RPH3A: variants seen among roughly 807,000 people sequenced by gnomAD.
RPH3A encodes the protein rabphilin 3A, also known as rabphilin-3A.
In RPH3A, 48 loss-of-function variants were observed where a neutral mutation model predicts 102.2. The ratio of observed to expected loss-of-function variants is 0.47; its 90% CI spans 0.37 to 0.60. The LOEUF (loss-of-function observed/expected upper bound fraction) is 0.60, where lower values mean the gene tolerates loss of function less well. Among genes scored for constraint, RPH3A ranks in the 20% least tolerant of loss-of-function variants. The probability of loss-of-function intolerance (pLI) is 0.00; values close to 1 mark genes in which losing one functional copy is unlikely to be tolerated. For synonymous variants in RPH3A, 310 were observed against 324.3 expected, an observed-to-expected ratio of 0.96 and a Z score of 0.47; for missense variants, 781 against 910.1, an observed-to-expected ratio of 0.86 and a Z score of 1.83.
intron 1 of RPH3A, among the ~76,000 whole-genome samples, chr12:112,746,476 C>A (rs1397419122): frequency 6.6e-6 from 1 of 152,066 alleles, no homozygotes; most frequent in African/African-American, 2.4e-5. Flanking sequence ...GTTGAGGGAA[C>A]AAACCTCACC....
At chr12:112,647,636 T>G (rs1305215488) in intron 1 of RPH3A, among the ~76,000 whole-genome samples, 1 of 151,284 alleles carries the variant, frequency 6.6e-6, no homozygotes, top group Non-Finnish European at 1.5e-5. Context: ...TTGCTTTAGG[T>G]TGGATGGTCA....
intron 1 of RPH3A, among the ~76,000 whole-genome samples, chr12:112,681,380 A>T (rs561058394): frequency 6.4e-4 from 98 of 152,222 alleles, no homozygotes; most frequent in African/African-American, 2.3e-3. Context: ...CACACATCGG[A>T]TTGCTTTAAT....
Position 112,771,017 on chromosome 12 carries a change from C to A in RPH3A, c.-139-21126C>A, listed in dbSNP as rs569500249. 2.8e-3 allele frequency among the ~76,000 whole-genome samples: 422 copies of A among 152,314 alleles called. 2 individuals carry two copies. The highest frequency in any genetic ancestry group is 0.016 in the South Asian group (79 of 4,820). On this transcript the variant is annotated intron_variant, in intron 1 of 21. Coordinates refer to the RPH3A transcript ENST00000543106. ...TTATTTTAAATTATGCATATACACACAGACAGGAAAGGTACAAGTGGTTGC... is the reference window on the plus strand; with the variant it reads ...TTATTTTAAATTATGCATATACACAAAGACAGGAAAGGTACAAGTGGTTGC...
chr12:112,847,863 T>A, intron 5 of RPH3A, 21 bp downstream of exon 5: 15 of 1,612,298 alleles, frequency 9.3e-6, no homozygotes, highest in Non-Finnish European at 1.3e-5. Context: ...ACGCTTCCCA[T>A]TCACCCCAGA....
chr12:112,629,072 T>C (rs2039785505), intron 1 of RPH3A, among the ~76,000 whole-genome samples: 1 of 152,134 alleles, frequency 6.6e-6, no homozygotes. Flanking sequence ...TTAAAAACTG[T>C]GCCACACAGA....
chr12:112,801,270 C>A (rs2041347052), intron 2 of RPH3A, among the ~76,000 whole-genome samples: 1 of 152,218 alleles, frequency 6.6e-6, no homozygotes, highest in Non-Finnish European at 1.5e-5. Flanking sequence ...AGGATGAAAG[C>A]AGGAGAAGCC....
chr12:112,653,536 T>C (rs2039991330), intron 1 of RPH3A, among the ~76,000 whole-genome samples: 1 of 152,164 alleles, frequency 6.6e-6, no homozygotes, highest in Non-Finnish European at 1.5e-5. Flanking sequence ...CTGTGGACTT[T>C]ATAAACACTG....
At chr12:112,684,669 G>A (rs921112295) in intron 1 of RPH3A, among the ~76,000 whole-genome samples, 1 of 152,180 alleles carries the variant, frequency 6.6e-6, no homozygotes, top group African/African-American at 2.4e-5. Flanking sequence ...ATGGCTATTA[G>A]GGAGGCTGAG....
upstream of RPH3A, among the ~76,000 whole-genome samples, chr12:112,790,484 C>A (rs1009707586): frequency 6.6e-6 from 1 of 152,178 alleles, no homozygotes; most frequent in Non-Finnish European, 1.5e-5. Context: ...GGATGGGAAG[C>A]TTTAGATATG....
intron 1 of RPH3A, among the ~76,000 whole-genome samples, chr12:112,688,706 G>A (rs2040285902): frequency 6.6e-6 from 1 of 152,124 alleles, no homozygotes; most frequent in Non-Finnish European, 1.5e-5. Flanking sequence ...GTCCTTCATT[G>A]AGTTAGGTTT....
chr12:112,731,507 T>G (rs1232839225), intron 1 of RPH3A, among the ~76,000 whole-genome samples: 1 of 152,238 alleles, frequency 6.6e-6, no homozygotes, highest in Non-Finnish European at 1.5e-5. Flanking sequence ...AAAAGCTTAA[T>G]CACCTGTGAA....
At chr12:112,888,275 G>C (rs906456255) in intron 17 of RPH3A, among the ~76,000 whole-genome samples, 5 of 152,266 alleles carry the variant, frequency 3.3e-5, no homozygotes, top group Admixed American at 1.3e-4. Context: ...CGGTGTTCTT[G>C]TCTGTAATGT....
At chr12:112,575,518 G>T (rs1436485419) in intron 1 of RPH3A, among the ~76,000 whole-genome samples, 1 of 151,998 alleles carries the variant, frequency 6.6e-6, no homozygotes, top group Non-Finnish European at 1.5e-5. Flanking sequence ...GGAGACCCGC[G>T]CAGGACCCGT....
chr12:112,591,130 A>G (rs1015032137), intron 1 of RPH3A, among the ~76,000 whole-genome samples: 5 of 147,240 alleles, frequency 3.4e-5, no homozygotes, highest in African/African-American at 1.3e-4. Flanking sequence ...TTAATTTTTG[A>G]AAATAGAGAT....
rs564632843 is a variant in RPH3A at position 112,635,511 on chromosome 12, T to G, written c.-140+60192T>G. 7.9e-5 allele frequency among the ~76,000 whole-genome samples: 12 copies of G among 152,000 alleles called. No individual in the cohort carries two copies. In the South Asian group the frequency reaches 2.5e-3, roughly 31 times the overall value. The stretch of plus-strand genomic sequence containing the variant: ...GTGCCTGATGTACAGTTAAATGCCA[T>G]GTAAATGTAGGTGGTCATTAATGTT... On this transcript the variant is annotated intron_variant, in intron 1 of 21. Coordinates refer to the RPH3A transcript ENST00000543106.
At chr12:112,779,028 A>T (rs1055421725) in intron 1 of RPH3A, among the ~76,000 whole-genome samples, 1 of 152,218 alleles carries the variant, frequency 6.6e-6, no homozygotes, top group African/African-American at 2.4e-5. Context: ...ATGCATGCTT[A>T]CCTGGCAAAG....
chr12:112,592,901 G>A (rs1352007428), intron 1 of RPH3A, among the ~76,000 whole-genome samples: 3 of 152,226 alleles, frequency 2.0e-5, no homozygotes, highest in Non-Finnish European at 4.4e-5. Context: ...GAAAGCCTGT[G>A]TGAGTTTTCT....
rs766828945 is a variant in RPH3A at position 112,896,720 on chromosome 12, A to G, written c.2025A>G (p.Lys675=). 6 of 1,614,200 alleles carry G rather than the reference A, an allele frequency of 3.7e-6. No homozygotes were observed. The East Asian group carries it at 1.1e-4, about 30-fold the overall frequency. Residue 675 remains lysine, a synonymous_variant, in exon 22 of 22, where the codon AAA becomes AAG. Transcript: ENST00000389385. ...ACTGGTACGAGTGTCTGAAAAATAAAGACAAGAAGATAGAGCGCTGGCACC... is the reference window on the plus strand; with the variant it reads ...ACTGGTACGAGTGTCTGAAAAATAAGGACAAGAAGATAGAGCGCTGGCACC... ...LKHWYECLKN[K]DKKIERWHQL... is the part of the protein sequence containing the mutation.
At chr12:112,726,883 C>T (rs985613423) in intron 1 of RPH3A, among the ~76,000 whole-genome samples, 8 of 151,770 alleles carry the variant, frequency 5.3e-5, no homozygotes, top group East Asian at 1.9e-4. Flanking sequence ...ATTAGATGGG[C>T]GTGGTGGTGC....
Sources: gnomAD v4.1 joint callset for allele counts (sites outside exome capture counted in the v4.1 genomes callset) on GRCh38, gnomAD v4.1.1 for gene constraint, MANE v1.5 for transcripts, NCBI Gene and HGNC (gene_info 2026-07-23, HGNC 2026-07-21) for gene names.